Variants in DZIP3 observed in about 807,000 individuals in gnomAD.
DZIP3 encodes the protein E3 ubiquitin-protein ligase DZIP3.
DZIP3 carries 118 observed loss-of-function variants against 162.0 expected under a neutral mutation model. The ratio of observed to expected loss-of-function variants is 0.73; its 90% CI spans 0.63 to 0.85. The LOEUF (loss-of-function observed/expected upper bound fraction) is 0.85. DZIP3 is among the 40% of genes least tolerant of loss of function. The pLI is 0.00. For missense variants in DZIP3, 1,331 were observed against 1,407.0 expected, an observed-to-expected ratio of 0.95 and a Z score of 0.86; for synonymous variants, 438 against 458.6, an observed-to-expected ratio of 0.96 and a Z score of 0.57.
chr3:108,672,337 TTTTAAA>T (rs1044245554), intron 22 of DZIP3, among the ~76,000 whole-genome samples: 1 of 151,888 alleles, frequency 6.6e-6, no homozygotes, highest in Non-Finnish European at 1.5e-5. Context: ...CACAGCTAAG[TTTTAAA>T]TCATAGCCTA....
intron 28 of DZIP3, 100 bp downstream of exon 28, chr3:108,686,684 C>G: frequency 7.6e-7 from 1 of 1,313,778 alleles, no homozygotes; most frequent in Admixed American, 2.9e-5. Context: ...ATAACAAACA[C>G]AAAAAAAGTA....
At chr3:108,597,035 A>T (rs976657375) in intron 1 of DZIP3, among the ~76,000 whole-genome samples, 1 of 152,220 alleles carries the variant, frequency 6.6e-6, no homozygotes, top group African/African-American at 2.4e-5. Flanking sequence ...TCTACCCCTT[A>T]TGCAGAGTCA....
intron 19 of DZIP3, among the ~76,000 whole-genome samples, chr3:108,655,088 T>C (rs951830296): frequency 2.6e-5 from 4 of 152,202 alleles, no homozygotes; most frequent in African/African-American, 9.6e-5. Flanking sequence ...GATGTCACAC[T>C]ACAGTTTAAA....
chr3:108,611,732 G>A (rs1940716360), intron 4 of DZIP3, among the ~76,000 whole-genome samples: 1 of 152,112 alleles, frequency 6.6e-6, no homozygotes, highest in Admixed American at 6.5e-5. Flanking sequence ...TTGGGAGACC[G>A]AGGTGAGTGG....
chr3:108,645,155 A>G (rs1016814518), intron 14 of DZIP3, among the ~76,000 whole-genome samples: 2 of 152,172 alleles, frequency 1.3e-5, no homozygotes, highest in Non-Finnish European at 2.9e-5. Context: ...AAAGTAGGGG[A>G]GAGTTCATAG....
Position 108,672,682 on chromosome 3 carries a change from AT to A in DZIP3, c.2589+27del, listed in dbSNP as rs776840660. The A allele has an allele frequency of 3.3e-6, 5 of 1,506,122 alleles. No individual in the cohort carries two copies. The Admixed American group carries it at 8.5e-5, about 26-fold the overall frequency. 93.3% of individuals were successfully genotyped at this position (1,506,122 alleles called of 1,614,324 possible). On this transcript the variant is annotated intron_variant, in intron 23 of 32. Transcript: ENST00000361582. ...GTAACAACAAAACGGGGACAGGGGT[AT>A]GGGGTGAGGGGAAAAGTTTTACTTG...
chr3:108,664,532 C>T (rs970167355), intron 21 of DZIP3, among the ~76,000 whole-genome samples: 8 of 152,204 alleles, frequency 5.3e-5, no homozygotes, highest in African/African-American at 1.7e-4. Context: ...CTGCTGCTAC[C>T]CAGCACCAAT....
At chr3:108,605,274 T>G in intron 1 of DZIP3, 61 bp from the exon 2 acceptor site, 2 of 1,204,092 alleles carry the variant, frequency 1.7e-6, no homozygotes. Flanking sequence ...CGTTCTGTTT[T>G]CATAGTGGGG....
chr3:108,619,573 C>T (rs1406713208), intron 5 of DZIP3, among the ~76,000 whole-genome samples: 1 of 151,970 alleles, frequency 6.6e-6, no homozygotes, highest in African/African-American at 2.4e-5. Flanking sequence ...ATGAGATGTC[C>T]AAGCTCCAGC....
chr3:108,600,055 A>T (rs1433965243), intron 1 of DZIP3, among the ~76,000 whole-genome samples: 1 of 152,212 alleles, frequency 6.6e-6, no homozygotes, highest in Non-Finnish European at 1.5e-5. Context: ...TCCTATCACA[A>T]AATGTCCTGC....
intron 28 of DZIP3, among the ~76,000 whole-genome samples, chr3:108,687,223 A>G (rs544282096): frequency 9.9e-5 from 15 of 152,172 alleles, no homozygotes; most frequent in African/African-American, 3.4e-4. Context: ...TTAAATTATA[A>G]TTTTATAAAT....
Position 108,661,966 on chromosome 3 carries a change from G to C in DZIP3, c.2289G>C (p.Gln763His). The C allele has an allele frequency of 1.2e-6, 2 of 1,613,344 alleles. No individual in the cohort carries two copies. Among genetic ancestry groups the C allele is most frequent in the East Asian group, 4.5e-5 (2 of 44,844 alleles). The change falls in exon 20 of 33, where the codon CAG (glutamine) becomes CAC (histidine). Residue 763 changes from glutamine to histidine, a missense_variant. By Grantham distance (24) the Gln-to-His change is conservative (BLOSUM62 0). Transcript: ENST00000361582. Reference sequence around the variant, plus strand: ...GGCAGCTTTATAAATTGCACTATCAGTGTGAAGTAAGTATTTTTGCCATTA... The same window carrying C: ...GGCAGCTTTATAAATTGCACTATCACTGTGAAGTAAGTATTTTTGCCATTA... ...RQRQLYKLHY[Q>H]CEDFKRQLRT...
intron 5 of DZIP3, among the ~76,000 whole-genome samples, chr3:108,624,229 T>C (rs969024785): frequency 6.6e-6 from 1 of 152,216 alleles, no homozygotes; most frequent in Non-Finnish European, 1.5e-5. Flanking sequence ...TTTTAATGTT[T>C]TATTTTGAGA....
chr3:108,693,019 T>C (rs1576483843), intron 32 of DZIP3, among the ~76,000 whole-genome samples: 1 of 151,232 alleles, frequency 6.6e-6, no homozygotes, highest in African/African-American at 2.4e-5. Flanking sequence ...GTGCCTGTCA[T>C]GTGAGGGACT....
intron 8 of DZIP3, among the ~76,000 whole-genome samples, chr3:108,631,052 C>CACACACACACACACACAT (rs1168781519): frequency 1.6e-4 from 16 of 102,220 alleles, no homozygotes; most frequent in Non-Finnish European, 2.1e-4. Flanking sequence ...CACACACACA[C>CACACACACACACACACAT]ACACTCTCTC....
At chr3:108,668,857 C>T (rs1011483199) in intron 21 of DZIP3, among the ~76,000 whole-genome samples, 39 of 152,094 alleles carry the variant, frequency 2.6e-4, no homozygotes, top group African/African-American at 8.4e-4. Flanking sequence ...CCAACCAAAA[C>T]TCTTCCATTT....
At chr3:108,598,879 T>C (rs1277763420) in intron 1 of DZIP3, among the ~76,000 whole-genome samples, 2 of 152,238 alleles carry the variant, frequency 1.3e-5, no homozygotes, top group Admixed American at 1.3e-4. Context: ...TGTAAATGTT[T>C]GAAACTGATG....
chr3:108,682,927 T>G (rs1944373276), intron 26 of DZIP3, among the ~76,000 whole-genome samples: 2 of 150,882 alleles, frequency 1.3e-5, no homozygotes, highest in Non-Finnish European at 2.9e-5. Flanking sequence ...TAGGTAATAG[T>G]GGTTCTCAAA....
chr3:108,669,608 G>A (rs1023451102), intron 21 of DZIP3, 73 bp from the exon 22 acceptor site: 1 of 1,395,528 alleles, frequency 7.2e-7, no homozygotes, highest in Non-Finnish European at 1.0e-6. Context: ...CACAGCTGTA[G>A]TTAGAGCTCT....
Sources: gnomAD v4.1 joint callset for allele counts (sites outside exome capture counted in the v4.1 genomes callset) on GRCh38, gnomAD v4.1.1 for gene constraint, MANE v1.5 for transcripts, NCBI Gene and HGNC (gene_info 2026-07-23, HGNC 2026-07-21) for gene names.